The following MAGI2 variants were observed in gnomAD, a reference collection of about 807,000 sequenced individuals.
The protein encoded by MAGI2 is membrane-associated guanylate kinase, WW and PDZ domain-containing protein 2.
In MAGI2, 35 loss-of-function variants were observed where a neutral mutation model predicts 133.3. That is an observed-to-expected ratio of 0.26 (90% CI 0.20 to 0.35). MAGI2 has a LOEUF of 0.35. Ranked by LOEUF, MAGI2 falls within the 10% of genes least tolerant of loss-of-function variation. MAGI2 has a pLI of 1.00. For missense variants in MAGI2, 1,636 were observed against 1,863.4 expected (o/e 0.88, Z 2.25); for synonymous variants, 729 against 710.6 (o/e 1.03, Z -0.41).
chr7:78,101,556 A>C (rs1386656589), intron 20 of MAGI2, among the ~76,000 whole-genome samples: 2 of 152,200 alleles, frequency 1.3e-5, no homozygotes, highest in Non-Finnish European at 2.9e-5. Context: ...TCAACTCAAA[A>C]TGGATTAAAG....
intron 2 of MAGI2, among the ~76,000 whole-genome samples, chr7:78,892,005 T>G (rs1279099324): frequency 2.0e-5 from 3 of 152,204 alleles, no homozygotes; most frequent in Non-Finnish European, 4.4e-5. Context: ...AAAATCTCCT[T>G]AAGCTGATAG....
At chr7:78,501,324 T>G (rs907837142) in intron 5 of MAGI2, among the ~76,000 whole-genome samples, 1 of 152,100 alleles carries the variant, frequency 6.6e-6, no homozygotes, top group African/African-American at 2.4e-5. Flanking sequence ...CACATGGAGA[T>G]TTGTCTTTTT....
chr7:79,005,866 C>T (rs1440255699), intron 2 of MAGI2, among the ~76,000 whole-genome samples: 1 of 152,132 alleles, frequency 6.6e-6, no homozygotes, highest in African/African-American at 2.4e-5. Context: ...AACCATGGGT[C>T]CAAAAGCCTA....
intron 1 of MAGI2, among the ~76,000 whole-genome samples, chr7:79,149,406 C>T (rs1366528058): frequency 6.6e-6 from 1 of 151,910 alleles, no homozygotes; most frequent in Non-Finnish European, 1.5e-5. Context: ...GTAACCTTTG[C>T]AGACACCTTC....
chr7:79,229,633 A>G (rs908954847), intron 1 of MAGI2, among the ~76,000 whole-genome samples: 19 of 152,200 alleles, frequency 1.2e-4, no homozygotes, highest in Admixed American at 6.5e-4. Flanking sequence ...TGTGTTTAGC[A>G]TAATTGACCA....
intron 2 of MAGI2, among the ~76,000 whole-genome samples, chr7:78,923,387 G>C (rs1176613053): frequency 4.6e-5 from 7 of 152,164 alleles, no homozygotes; most frequent in Non-Finnish European, 7.3e-5. Context: ...GTAAGGAAGG[G>C]ATCCAGCTTC....
At chr7:78,949,694 A>G (rs1256014417) in intron 2 of MAGI2, among the ~76,000 whole-genome samples, 1 of 152,174 alleles carries the variant, frequency 6.6e-6, no homozygotes, top group African/African-American at 2.4e-5. Flanking sequence ...TGTTATAGCT[A>G]ATCTAATTTC....
At chr7:79,145,051 A>G (rs1330762135) in intron 1 of MAGI2, among the ~76,000 whole-genome samples, 1 of 152,132 alleles carries the variant, frequency 6.6e-6, no homozygotes, top group African/African-American at 2.4e-5. Context: ...GGGGTTGACA[A>G]GGTTCTTCTT....
intron 3 of MAGI2, among the ~76,000 whole-genome samples, chr7:78,545,219 T>A (rs1798732261): frequency 6.9e-6 from 1 of 145,756 alleles, no homozygotes; most frequent in South Asian, 2.3e-4. Flanking sequence ...ATTCTTTTTT[T>A]TTTTTTTTTT....
chr7:79,363,466 A>G (rs908486206), intron 1 of MAGI2, among the ~76,000 whole-genome samples: 1 of 151,022 alleles, frequency 6.6e-6, no homozygotes, highest in Non-Finnish European at 1.5e-5. Flanking sequence ...AAAAAAATCT[A>G]TTCTAAAGTT....
At chr7:78,828,436 A>G (rs1050814727) in intron 2 of MAGI2, among the ~76,000 whole-genome samples, 6 of 152,170 alleles carry the variant, frequency 3.9e-5, no homozygotes. Flanking sequence ...CCATGAAACA[A>G]AACAAAACCA....
intron 1 of MAGI2, among the ~76,000 whole-genome samples, chr7:79,257,376 C>CA (rs1049575381): frequency 6.0e-5 from 9 of 149,470 alleles, no homozygotes; most frequent in African/African-American, 2.0e-4. Flanking sequence ...GTGACAAAAG[C>CA]AAAAAAAAAT....
intron 3 of MAGI2, among the ~76,000 whole-genome samples, chr7:78,594,748 G>A (rs900260587): frequency 1.3e-5 from 2 of 152,086 alleles, no homozygotes; most frequent in East Asian, 1.9e-4. Context: ...GAGCCACTAC[G>A]TCCGGCCAGC....
At position 78,931,192 on chromosome 7, in the gene MAGI2, C is replaced by T. The variant is rs552171676; in HGVS notation, c.418+75898G>A. ...CTATGAGTGAAGAGTGGCAGTCATT[C>T]TTATAGGTAGTTGCAAAAGCAGAGA... is the stretch of plus-strand genomic sequence containing the variant. On this transcript the variant is annotated intron_variant, in intron 2 of 21. Coordinates refer to ENST00000354212, the MANE Select transcript of MAGI2 (RefSeq NM_012301.4). Among the ~76,000 whole-genome samples, 10 of 152,128 alleles carry T rather than the reference C, an allele frequency of 6.6e-5. No individual in the cohort carries two copies. The South Asian group carries it at 2.1e-3, about 32-fold the overall frequency.
intron 1 of MAGI2, among the ~76,000 whole-genome samples, chr7:79,348,868 T>C (rs1035304303): frequency 2.6e-5 from 4 of 151,944 alleles, no homozygotes; most frequent in Non-Finnish European, 5.9e-5. Context: ...CACTGTGCTC[T>C]CTTCTCTTTT....
intron 12 of MAGI2, among the ~76,000 whole-genome samples, chr7:78,192,046 CTT>C (rs1828264595): frequency 6.6e-6 from 1 of 152,098 alleles, no homozygotes; most frequent in Non-Finnish European, 1.5e-5. Flanking sequence ...GGAGGGGCGT[CTT>C]TTTATTTGGC....
chr7:79,451,551 C>T (rs1333155321), intron 1 of MAGI2, among the ~76,000 whole-genome samples: 1 of 152,082 alleles, frequency 6.6e-6, no homozygotes, highest in East Asian at 1.9e-4. Flanking sequence ...AATTTATTAC[C>T]TCTTAATACT....
intron 16 of MAGI2, among the ~76,000 whole-genome samples, chr7:78,157,844 A>G (rs917127443): frequency 6.6e-6 from 1 of 152,230 alleles, no homozygotes; most frequent in Non-Finnish European, 1.5e-5. Context: ...CTATGCTTAA[A>G]GATTGGATTT....
At chr7:78,949,442 A>T (rs1801693731) in intron 2 of MAGI2, among the ~76,000 whole-genome samples, 1 of 152,142 alleles carries the variant, frequency 6.6e-6, no homozygotes, top group Admixed American at 6.6e-5. Context: ...GACAAGTGAA[A>T]CTACGAATAA....
Sources: allele counts gnomAD v4.1 joint callset (sites outside exome capture counted in the v4.1 genomes callset), GRCh38; gene constraint gnomAD v4.1.1; transcripts MANE v1.5; gene names NCBI Gene and HGNC (gene_info 2026-07-23, HGNC 2026-07-21).